The following ZFPM2 variants were observed in gnomAD, a reference collection of about 807,000 sequenced individuals.
ZFPM2 encodes the protein zinc finger protein, FOG family member 2.
ZFPM2 carries 20 observed loss-of-function variants against 98.6 expected under a neutral mutation model. The ratio of observed to expected loss-of-function variants is 0.20; its 90% CI spans 0.14 to 0.29. The LOEUF is 0.29. Ranked by LOEUF, ZFPM2 falls within the 10% of genes least tolerant of loss-of-function variation. The pLI is 1.00. For missense variants in ZFPM2, 1,310 were observed against 1,388.6 expected (o/e 0.94, Z 0.90); for synonymous variants, 518 against 502.7 (o/e 1.03, Z -0.41).
chr8:105,463,809 T>C (rs1812746703), intron 3 of ZFPM2, among the ~76,000 whole-genome samples: 1 of 152,048 alleles, frequency 6.6e-6, no homozygotes, highest in Non-Finnish European at 1.5e-5. Flanking sequence ...GCATATTTTA[T>C]TGCCATCCTT....
chr8:105,413,261 T>C (rs1344725755), intron 1 of ZFPM2, among the ~76,000 whole-genome samples: 1 of 151,802 alleles, frequency 6.6e-6, no homozygotes, highest in Admixed American at 6.6e-5. Context: ...TCCTTCCTTT[T>C]CATCACATAG....
chr8:105,329,682 C>CT (rs1812176412), intron 1 of ZFPM2, among the ~76,000 whole-genome samples: 1 of 151,602 alleles, frequency 6.6e-6, no homozygotes, highest in African/African-American at 2.4e-5. Flanking sequence ...CTAGAGTTAT[C>CT]AGTCCAGCTG....
intron 4 of ZFPM2, among the ~76,000 whole-genome samples, chr8:105,617,042 A>G (rs1816433826): frequency 2.2e-5 from 3 of 135,008 alleles, no homozygotes; most frequent in African/African-American, 7.9e-5. Flanking sequence ...AAAAAAAAAA[A>G]AAAAAAAAAA....
At chr8:105,482,004 G>A (rs1813130121) in intron 3 of ZFPM2, among the ~76,000 whole-genome samples, 1 of 152,186 alleles carries the variant, frequency 6.6e-6, no homozygotes, top group African/African-American at 2.4e-5. Context: ...ATGCACTAAA[G>A]TAATCTGTAT....
At chr8:105,480,832 G>A (rs1184735658) in intron 3 of ZFPM2, among the ~76,000 whole-genome samples, 3 of 150,574 alleles carry the variant, frequency 2.0e-5, no homozygotes, top group African/African-American at 7.3e-5. Context: ...CTCACTGCAA[G>A]CTCCACCTCC....
intron 6 of ZFPM2, among the ~76,000 whole-genome samples, chr8:105,792,001 C>T (rs1813628281): frequency 6.6e-6 from 1 of 152,008 alleles, no homozygotes; most frequent in Admixed American, 6.6e-5. Context: ...ATTAGTCTTG[C>T]TAGCGGTCTA....
At chr8:105,482,000 T>C (rs1813130010) in intron 3 of ZFPM2, among the ~76,000 whole-genome samples, 1 of 152,242 alleles carries the variant, frequency 6.6e-6, no homozygotes, top group Admixed American at 6.5e-5. Flanking sequence ...ATATATGCAC[T>C]AAAGTAATCT....
At chr8:105,656,641 G>GGTTTTTCGAGTTCAATCTTACAGGCT (rs1463841659) in intron 5 of ZFPM2, among the ~76,000 whole-genome samples, 2 of 152,120 alleles carry the variant, frequency 1.3e-5, no homozygotes, top group Admixed American at 6.6e-5. Flanking sequence ...CCTTGCTTCT[G>GGTTTTTCGAGTTCAATCTTACAGGCT]GTTTTTCGAG....
chr8:105,620,846 G>A (rs187059797), intron 4 of ZFPM2, among the ~76,000 whole-genome samples: 7 of 152,220 alleles, frequency 4.6e-5, no homozygotes, highest in Admixed American at 2.6e-4. Context: ...GGTTGTAGAT[G>A]TGTGGTATTA....
intron 2 of ZFPM2, among the ~76,000 whole-genome samples, chr8:105,444,012 TTAA>T (rs1435636802): frequency 6.6e-6 from 1 of 152,200 alleles, no homozygotes; most frequent in African/African-American, 2.4e-5. Context: ...CTTATATATA[TTAA>T]TAACTCCAAA....
intron 4 of ZFPM2, among the ~76,000 whole-genome samples, chr8:105,576,278 T>G (rs1195915438): frequency 6.6e-6 from 1 of 152,182 alleles, no homozygotes; most frequent in Non-Finnish European, 1.5e-5. Flanking sequence ...GCTGAGATTT[T>G]TTTTTTAACT....
intron 3 of ZFPM2, among the ~76,000 whole-genome samples, chr8:105,525,613 C>T (rs1244559605): frequency 2.0e-5 from 3 of 152,092 alleles, no homozygotes; most frequent in Non-Finnish European, 4.4e-5. Context: ...ATATAGAGTA[C>T]TAGGCAGTTA....
At chr8:105,542,627 G>A (rs1814602745) in intron 3 of ZFPM2, among the ~76,000 whole-genome samples, 1 of 152,150 alleles carries the variant, frequency 6.6e-6, no homozygotes, top group African/African-American at 2.4e-5. Context: ...AGGTTCTTCA[G>A]GGTCTACTGT....
At chr8:105,703,071 GC>G (rs1563528401) in intron 5 of ZFPM2, among the ~76,000 whole-genome samples, 1 of 151,942 alleles carries the variant, frequency 6.6e-6, no homozygotes, top group African/African-American at 2.4e-5. Flanking sequence ...CCCGCCCCGC[GC>G]CCAACATTCT....
chr8:105,532,928 G>T (rs933877664), intron 3 of ZFPM2, among the ~76,000 whole-genome samples: 1 of 152,124 alleles, frequency 6.6e-6, no homozygotes, highest in Non-Finnish European at 1.5e-5. Flanking sequence ...GAAGATTTGT[G>T]AGTGCACCTG....
intron 5 of ZFPM2, among the ~76,000 whole-genome samples, chr8:105,733,893 CT>C (rs1341247017): frequency 6.6e-6 from 1 of 151,804 alleles, no homozygotes; most frequent in Non-Finnish European, 1.5e-5. Context: ...TACACATGAG[CT>C]TTGTTTCCTG....
intron 2 of ZFPM2, among the ~76,000 whole-genome samples, chr8:105,430,489 A>C (rs759336464): frequency 2.0e-5 from 3 of 152,224 alleles, no homozygotes; most frequent in Non-Finnish European, 4.4e-5. Context: ...TTGCCTAAAG[A>C]GACCACAGAT....
chr8:105,477,268 G>A (rs1462567222), intron 3 of ZFPM2, among the ~76,000 whole-genome samples: 3 of 109,166 alleles, frequency 2.7e-5, no homozygotes, highest in South Asian at 6.2e-4. Context: ...TTTTTGAGAC[G>A]AAGTCTAACT....
intron 4 of ZFPM2, among the ~76,000 whole-genome samples, chr8:105,578,400 A>G (rs985701624): frequency 2.1e-5 from 2 of 93,852 alleles, no homozygotes; most frequent in African/African-American, 1.1e-4. Flanking sequence ...ACCTTATTTT[A>G]TATTGTTTTA....
Sources: gnomAD v4.1 joint callset for allele counts (sites outside exome capture counted in the v4.1 genomes callset) on GRCh38, gnomAD v4.1.1 for gene constraint, MANE v1.5 for transcripts, NCBI Gene and HGNC (gene_info 2026-07-23, HGNC 2026-07-21) for gene names.